The following SUPV3L1 variants were observed in gnomAD, a reference collection of about 807,000 sequenced individuals.
SUPV3L1 encodes Suv3 like RNA helicase.
Under a neutral mutation model 70.0 loss-of-function variants are expected in SUPV3L1, and 35 were observed. That is an observed-to-expected ratio of 0.50 (90% CI 0.38 to 0.66). SUPV3L1 has a LOEUF of 0.66. SUPV3L1 is among the 30% of genes least tolerant of loss of function. The pLI is 0.00. For synonymous variants in SUPV3L1, 364 were observed against 341.9 expected (o/e 1.06, Z -0.71); for missense variants, 777 against 961.5 (o/e 0.81, Z 2.54).
chr10:69,199,113 T>G lies in SUPV3L1; in HGVS notation c.1214T>G (p.Leu405Arg). 2 of 1,611,094 alleles carry G rather than the reference T, an allele frequency of 1.2e-6. No individual in the cohort carries two copies. Among genetic ancestry groups the G allele is most frequent in the Non-Finnish European group, 1.7e-6 (2 of 1,179,124 alleles). ...IYGSLPPGTK[L>R]AQAKKFNDPN... is the part of the protein sequence containing the mutation. The stretch of plus-strand genomic sequence containing the variant: ...ATTGTTCTTGTTTTAGGGACCAAAC[T>G]TGCTCAAGCAAAAAAGTTTAATGAT... The change falls in exon 10 of 15, where the codon CTT becomes CGT. Residue 405 changes from leucine to arginine, a missense_variant. Around this residue, in one of 2 missense-constraint regions of SUPV3L1, gnomAD observed 619 missense variants for 823.3 expected, o/e 0.75. Coordinates refer to ENST00000359655, the MANE Select transcript of SUPV3L1 (RefSeq NM_003171.5).
At chr10:69,194,722 G>A (rs1000837744) in intron 6 of SUPV3L1, among the ~76,000 whole-genome samples, 1 of 148,948 alleles carries the variant, frequency 6.7e-6, no homozygotes, top group African/African-American at 2.6e-5. Flanking sequence ...GTTACAGTGA[G>A]CTATGATTGT....
At chr10:69,190,517 AC>A (rs2132278054) in intron 5 of SUPV3L1, among the ~76,000 whole-genome samples, 1 of 152,224 alleles carries the variant, frequency 6.6e-6, no homozygotes, top group South Asian at 2.1e-4. Context: ...CTCAGAACAG[AC>A]TTTTACGTAA....
intron 1 of SUPV3L1, 105 bp from the exon 2 acceptor site, chr10:69,185,882 C>T (rs151051914): frequency 1.2e-6 from 1 of 813,584 alleles, no homozygotes; most frequent in East Asian, 2.4e-5. Flanking sequence ...TCTTGCAACA[C>T]TCATTAGACT....
chr10:69,200,561 A>G (rs1341352116), intron 11 of SUPV3L1, 62 bp downstream of exon 11: 11 of 1,371,572 alleles, frequency 8.0e-6, no homozygotes, highest in Middle Eastern at 3.7e-4. Context: ...TCCCTCACCC[A>G]CCATCCAGAC....
At chr10:69,197,159 C>T in intron 8 of SUPV3L1, 76 bp downstream of exon 8, 2 of 1,187,472 alleles carry the variant, frequency 1.7e-6, no homozygotes, top group Non-Finnish European at 2.5e-6. Context: ...CTTCAGAGGC[C>T]CTAGATAATG....
At position 69,186,022 on chromosome 10, in the gene SUPV3L1, A is replaced by G. The variant is rs973599007; in HGVS notation, c.307A>G (p.Arg103Gly). The change falls in exon 2 of 15, where the codon AGG (arginine) becomes GGG (glycine). Residue 103 changes from arginine to glycine, a missense_variant. Physicochemically the swap from Arg to Gly is moderately radical, Grantham distance 125. Transcript: ENST00000359655. ...GAAGGTCTTAGACAAATTTTACAAG[A>G]GGAAAGAAATTCAGAAACTGGGTGC... ...VKKVLDKFYK[R>G]KEIQKLGADY... 6.2e-7 allele frequency: 1 copy of G among 1,613,962 alleles called. No homozygotes were observed. The highest frequency in any genetic ancestry group is 8.5e-7 in the Non-Finnish European group (1 of 1,179,934).
At chr10:69,207,045 A>G (rs2132310590) in intron 13 of SUPV3L1, among the ~76,000 whole-genome samples, 1 of 152,334 alleles carries the variant, frequency 6.6e-6, no homozygotes, top group Non-Finnish European at 1.5e-5. Flanking sequence ...AACAAGATAG[A>G]GAAACTTAAG....
chr10:69,186,362 T>TC lies in SUPV3L1; in HGVS notation c.350-81_350-80insC. 6 of 1,030,668 alleles carry TC rather than the reference T, an allele frequency of 5.8e-6. No individual in the cohort carries two copies. In the South Asian group the frequency reaches 8.4e-5, roughly 14 times the overall value. The allele number at this position is 1,030,668 out of a possible 1,614,324, so 63.8% of individuals were successfully genotyped here. ...AAAAAAAAGAAAAAAAAAGACTCTT[T>TC]GATGAGTTTGGTGTGGTGTGTCTGT... On this transcript the variant is annotated intron_variant, in intron 2 of 14. Transcript: ENST00000359655.
chr10:69,190,823 T>G (rs372879068), intron 5 of SUPV3L1, among the ~76,000 whole-genome samples: 7 of 152,226 alleles, frequency 4.6e-5, no homozygotes, highest in African/African-American at 1.7e-4. Context: ...TCCCCATGAT[T>G]AGATTCAGGC....
In SUPV3L1 at chr10:69,199,145, G is replaced by C. The variant is rs1453138430; in HGVS notation, c.1246G>C (p.Asp416His). The change falls in exon 10 of 15, where the codon GAC becomes CAC. Residue 416 changes from aspartate to histidine, a missense_variant. Transcript: ENST00000359655. ...AGCAAAAAAGTTTAATGATCCCAAT[G>C]ACCCATGCAAAATCTTGGTTGCTAC... ...AQAKKFNDPN[D>H]PCKILVATDA... is the part of the protein sequence containing the mutation. 1 of 1,612,722 alleles carries C rather than the reference G, an allele frequency of 6.2e-7. No individual in the cohort carries two copies. The highest frequency in any genetic ancestry group is 1.1e-5 in the South Asian group (1 of 90,652).
At chr10:69,186,407 C>A in intron 2 of SUPV3L1, 36 bp from the exon 3 acceptor site, 1 of 1,460,566 alleles carries the variant, frequency 6.8e-7, no homozygotes, top group Non-Finnish European at 9.5e-7. Flanking sequence ...AAAATGAGAA[C>A]TACACCTTAC....
chr10:69,189,419 A>C lies in SUPV3L1; in HGVS notation c.725A>C (p.Glu242Ala). 6.2e-7 allele frequency: 1 copy of C among 1,611,714 alleles called. No homozygotes were observed. The highest frequency in any genetic ancestry group is 8.5e-7 in the Non-Finnish European group (1 of 1,178,910). Residue 242 changes from glutamate to alanine, a missense_variant, in exon 5 of 15, where the codon GAA becomes GCA. By Grantham distance (107) the Glu-to-Ala change is moderately radical (BLOSUM62 -1). Around this residue, in one of 2 missense-constraint regions of SUPV3L1, gnomAD observed 619 missense variants for 823.3 expected, o/e 0.75. Coordinates refer to ENST00000359655, the MANE Select transcript of SUPV3L1 (RefSeq NM_003171.5). ...PLKLLAHEIF[E>A]KSNAAGVPCD... ...AAATTACTGGCACATGAGATCTTCG[A>C]AAAGAGTAATGCTGCTGTCAGTATA...
chr10:69,188,962 T>C (rs1252141572), intron 4 of SUPV3L1, among the ~76,000 whole-genome samples: 1 of 152,168 alleles, frequency 6.6e-6, no homozygotes, highest in Admixed American at 6.5e-5. Context: ...GTGAACATAG[T>C]ATGGAACTGA....
intron 14 of SUPV3L1, 114 bp from the exon 15 acceptor site, chr10:69,208,486 T>C: frequency 8.6e-7 from 1 of 1,168,642 alleles, no homozygotes; most frequent in Non-Finnish European, 1.2e-6. Context: ...TGAAGAGAGT[T>C]TGCAAAAAGA....
chr10:69,183,694 G>T (rs1428633695), intron 1 of SUPV3L1, among the ~76,000 whole-genome samples: 2 of 152,018 alleles, frequency 1.3e-5, no homozygotes, highest in Non-Finnish European at 2.9e-5. Flanking sequence ...AATAAAAAAA[G>T]AAAGATACAA....
Position 69,203,018 on chromosome 10 carries a change from CT to C in SUPV3L1, c.1755del (p.Phe585LeufsTer19). On this transcript the variant is annotated frameshift_variant, in exon 13 of 15. Transcript: ENST00000359655. LOFTEE classifies it high-confidence loss of function. ...FCTAPINKKQPFVCSSLLQFA... is the reference protein window; with the variant it reads ...FCTAPINKKQXFVCSSLLQFA... The stretch of plus-strand genomic sequence containing the variant: ...ACAGCTCCTATCAACAAGAAGCAGC[CT>C]TTTGTGTGTTCTTCACTGTTACAGG... The C allele has an allele frequency of 6.2e-7, 1 of 1,613,318 alleles. No homozygotes were observed. The highest frequency in any genetic ancestry group is 8.5e-7 in the Non-Finnish European group (1 of 1,179,658).
chr10:69,195,646 G>T (rs956997686), intron 7 of SUPV3L1, among the ~76,000 whole-genome samples: 1 of 151,996 alleles, frequency 6.6e-6, no homozygotes, highest in Non-Finnish European at 1.5e-5. Context: ...TAATATGATC[G>T]CATATCTCTA....
intron 10 of SUPV3L1, 119 bp from the exon 11 acceptor site, chr10:69,200,161 A>G: frequency 1.3e-6 from 1 of 754,312 alleles, no homozygotes; most frequent in Non-Finnish European, 2.1e-6. Context: ...TTAATTTTGT[A>G]AGTGGCAGTC....
intron 14 of SUPV3L1, among the ~76,000 whole-genome samples, 158 bp from the exon 15 acceptor site, chr10:69,208,442 T>C (rs1842893086): frequency 6.6e-6 from 1 of 152,202 alleles, no homozygotes; most frequent in South Asian, 2.1e-4. Flanking sequence ...TCCTCCGATA[T>C]GTGGGGGCAG....
Sources: gnomAD v4.1 joint callset for allele counts (sites outside exome capture counted in the v4.1 genomes callset) on GRCh38, gnomAD v4.1.1 for gene constraint, gnomAD v4.1.1 regional missense constraint, MANE v1.5 for transcripts, NCBI Gene and HGNC (gene_info 2026-07-23, HGNC 2026-07-21) for gene names.